Variants in TEAD2 observed in about 807,000 individuals in gnomAD.
The protein encoded by TEAD2 is TEA domain transcription factor 2, also known as transcriptional enhancer factor TEF-4.
In TEAD2, 51 loss-of-function variants were observed where a neutral mutation model predicts 61.4. That is an observed-to-expected ratio of 0.83 (90% CI 0.66 to 1.05). TEAD2 has a LOEUF of 1.05. Ranked by LOEUF, TEAD2 falls within the 50% of genes least tolerant of loss-of-function variation. The pLI is 0.00. For missense variants in TEAD2, 509 were observed against 600.0 expected (o/e 0.85, Z 1.58); for synonymous variants, 244 against 243.2 (o/e 1.00, Z -0.03).
intron 4 of TEAD2, among the ~76,000 whole-genome samples, chr19:49,356,443 A>G (rs1972405484): frequency 6.6e-6 from 1 of 150,996 alleles, no homozygotes; most frequent in African/African-American, 2.4e-5. Context: ...AGACAGAAAA[A>G]CCCCCACACA....
intron 8 of TEAD2, among the ~76,000 whole-genome samples, chr19:49,350,839 G>A (rs1049941539): frequency 1.2e-4 from 18 of 151,534 alleles, no homozygotes; most frequent in Non-Finnish European, 7.4e-5. Context: ...CGGCTCCCCC[G>A]CCCCCAACAC....
chr19:49,359,772 G>A lies in TEAD2; in HGVS notation c.232+72C>T. The A allele has an allele frequency of 1.4e-6, 2 of 1,466,456 alleles. No individual in the cohort carries two copies. The highest frequency in any genetic ancestry group is 1.2e-5 in the South Asian group (1 of 83,616). 90.8% of individuals were successfully genotyped at this position (1,466,456 alleles called of 1,614,324 possible). A position where few individuals can be genotyped will look rare whatever the true frequency, so the allele number is the denominator to read the frequency against. Reference sequence around the variant, plus strand: ...TGGTGATGCTAGCTCCTACTTCAGAGTGCTCCATAAACCTTGGTTACTGTC... The same window carrying A: ...TGGTGATGCTAGCTCCTACTTCAGAATGCTCCATAAACCTTGGTTACTGTC... On this transcript the variant is annotated intron_variant, in intron 2 of 12. Coordinates refer to ENST00000593945, the MANE Select transcript of TEAD2 (RefSeq NM_001256660.2). The surrounding 1 kb of genome is among the most constrained non-coding windows in gnomAD (Gnocchi z 4.1).
intron 3 of TEAD2, 129 bp from the exon 4 acceptor site, chr19:49,357,443 G>C (rs749798155): frequency 2.7e-5 from 27 of 987,150 alleles, no homozygotes; most frequent in Non-Finnish European, 3.5e-5. Context: ...CTGAAGATGA[G>C]AGCCATCTCG....
Position 49,341,328 on chromosome 19 carries a change from T to G in TEAD2, c.1352A>C (p.Asp451Ala). Residue 451 changes from aspartate to alanine, a missense_variant, in exon 13 of 13, where the codon GAC becomes GCC. Physicochemically the swap from Asp to Ala is moderately radical, Grantham distance 126 (BLOSUM62 -2). Transcript: ENST00000593945. The surrounding 1 kb of genome is among the most constrained non-coding windows in gnomAD (Gnocchi z 4.2). ...AGCCAGTTTTGGGGTCCCCCTTCAG[T>G]CCCTGACCAGGCGGTAAATGTGATG... ...AQHHIYRLVR[D>A] is the part of the protein sequence containing the mutation. 6.2e-7 allele frequency: 1 copy of G among 1,613,802 alleles called. No homozygotes were observed. The highest frequency in any genetic ancestry group is 8.5e-7 in the Non-Finnish European group (1 of 1,179,820).
chr19:49,353,060 G>A (rs549795674), intron 7 of TEAD2, among the ~76,000 whole-genome samples: 23 of 151,890 alleles, frequency 1.5e-4, no homozygotes, highest in South Asian at 4.2e-4. Flanking sequence ...GGACTTTGTC[G>A]TGTGCTATTG....
intron 7 of TEAD2, among the ~76,000 whole-genome samples, chr19:49,353,127 C>T (rs1241224653): frequency 6.7e-6 from 1 of 148,660 alleles, no homozygotes; most frequent in African/African-American, 2.5e-5. Context: ...GAGATAGAGT[C>T]TCGCTCTGTT....
rs1233464008 is a variant in TEAD2 at position 49,362,350 on chromosome 19, G to A, written c.-24C>T. The A allele has an allele frequency of 6.6e-6, 1 of 152,138 alleles. No homozygotes were observed. The highest frequency in any genetic ancestry group is 6.5e-5 in the Admixed American group (1 of 15,282). 9.4% of individuals were successfully genotyped at this position (152,138 alleles called of 1,614,324 possible). Reference sequence around the variant, plus strand: ...TCACACACCCCAAAGCAGGATCCCCGACTCCCGCCGGCGCCTTCCTACCTC... The same window carrying A: ...TCACACACCCCAAAGCAGGATCCCCAACTCCCGCCGGCGCCTTCCTACCTC... On this transcript the variant is annotated 5_prime_UTR_variant, in exon 1 of 13. Coordinates refer to ENST00000593945, the MANE Select transcript of TEAD2 (RefSeq NM_001256660.2).
At chr19:49,351,449 G>A (rs1972018914) in intron 7 of TEAD2, 84 bp from the exon 8 acceptor site, 3 of 1,287,496 alleles carry the variant, frequency 2.3e-6, no homozygotes, top group Non-Finnish European at 2.2e-6. Context: ...GCCACAACAA[G>A]CAAGACCCTG....
chr19:49,357,199 T>C, intron 4 of TEAD2, 53 bp downstream of exon 4: 8 of 1,538,948 alleles, frequency 5.2e-6, no homozygotes, highest in Non-Finnish European at 7.1e-6. Flanking sequence ...TGGGTCTCGG[T>C]CCCCCACCCC....
At chr19:49,352,981 G>C (rs1972119682) in intron 7 of TEAD2, among the ~76,000 whole-genome samples, 1 of 152,118 alleles carries the variant, frequency 6.6e-6, no homozygotes, top group Non-Finnish European at 1.5e-5. Context: ...CAGGCACTTA[G>C]TAGGCACTCA....
At chr19:49,342,681 G>A (rs1971379278) in intron 11 of TEAD2, 91 bp from the exon 12 acceptor site, 2 of 1,495,064 alleles carry the variant, frequency 1.3e-6, no homozygotes, top group East Asian at 4.6e-5. Context: ...CCTCTAAGAT[G>A]CCACCACACT....
rs1405439794 is a variant in TEAD2, at chr19:49,359,591, C to T, written c.233-92G>A. ...CAGGGAAGAAGAAAGCAGCATGGGT[C>T]CCCAAAGGTCTGCAGCAAGTGGGCT... On this transcript the variant is annotated intron_variant, in intron 2 of 12. Coordinates refer to ENST00000593945, the MANE Select transcript of TEAD2 (RefSeq NM_001256660.2). The surrounding 1 kb of genome is among the most constrained non-coding windows in gnomAD (Gnocchi z 4.1). 1.7e-5 allele frequency: 24 copies of T among 1,447,228 alleles called. No individual in the cohort carries two copies. Among genetic ancestry groups the T allele is most frequent in the Non-Finnish European group, 2.3e-5 (24 of 1,034,180 alleles). The allele number at this position is 1,447,228 out of a possible 1,614,324, so 89.6% of individuals were successfully genotyped here.
At chr19:49,357,759 CCATCTCCTTGATGATG>C (rs1972504278) in intron 3 of TEAD2, 1 of 209,910 alleles carries the variant, frequency 4.8e-6, no homozygotes, top group Non-Finnish European at 9.9e-6. Context: ...TGGCTTTGCA[CCATCTCCTTGATGATG>C]AGTGACTTCT....
chr19:49,354,027 T>G (rs1436917177), intron 7 of TEAD2, among the ~76,000 whole-genome samples: 1 of 150,246 alleles, frequency 6.7e-6, no homozygotes, highest in African/African-American at 2.4e-5. Flanking sequence ...CTCGATCTCC[T>G]GACCTCGTGA....
intron 8 of TEAD2, 180 bp from the exon 9 acceptor site, chr19:49,349,025 A>C (rs748466031): frequency 3.7e-5 from 24 of 643,458 alleles, no homozygotes; most frequent in Non-Finnish European, 5.1e-5. Flanking sequence ...CGTTAGGGGA[A>C]ATCTGCTGGG....
In TEAD2 at chr19:49,360,018, C is replaced by T. The variant is rs1568583033; in HGVS notation, c.58G>A (p.Glu20Lys). 1.2e-6 allele frequency: 2 copies of T among 1,609,144 alleles called. No individual in the cohort carries two copies. Among genetic ancestry groups the T allele is most frequent in the East Asian group, 2.2e-5 (1 of 44,880 alleles). Residue 20 changes from glutamate (E) to lysine (K), a missense_variant, in exon 2 of 13, where the codon GAG becomes AAG. Physicochemically the swap from Glu to Lys is moderately conservative, Grantham distance 56. Transcript: ENST00000593945. ...CCGGTACCCTCCTCACTGCCTTCCT[C>T]ACTGCCCGTCCAGCCGCTGCCATCG... ...LDDGSGWTGSEEGSEEGTGGS... is the reference protein window; with the variant it reads ...LDDGSGWTGSKEGSEEGTGGS...
chr19:49,347,225 C>G lies in TEAD2; in HGVS notation c.886G>C (p.Gly296Arg). 1 of 1,614,096 alleles carries G rather than the reference C, an allele frequency of 6.2e-7. No individual in the cohort carries two copies. Among genetic ancestry groups the G allele is most frequent in the Non-Finnish European group, 8.5e-7 (1 of 1,179,992 alleles). Residue 296 changes from glycine (G) to arginine (R), a missense_variant, in exon 10 of 13, where the codon GGC (glycine) becomes CGC (arginine). Gly to Arg is a moderately radical substitution (Grantham distance 125, BLOSUM62 -2). Coordinates refer to ENST00000593945, the MANE Select transcript of TEAD2 (RefSeq NM_001256660.2). ...ACCAGGAAGAAGGCATGGGGGGGGCCACGATCATATAGCTCTCGGAGGCCA... is the reference window on the plus strand; with the variant it reads ...ACCAGGAAGAAGGCATGGGGGGGGCGACGATCATATAGCTCTCGGAGGCCA... ...KGGLRELYDRGPPHAFFLVKF... is the reference protein window; with the variant it reads ...KGGLRELYDRRPPHAFFLVKF...
Position 49,341,440 on chromosome 19 carries a change from G to T in TEAD2, c.1243-3C>A, listed in dbSNP as rs1312533610. ...TGGGTGTCTCTGTTTGTCACCACCT[G>T]CCAGGAAGGCCAGGACAAGGGACTT... On this transcript the variant is annotated splice_polypyrimidine_tract_variant and splice_region_variant and intron_variant, in intron 12 of 12. Coordinates refer to ENST00000593945, the MANE Select transcript of TEAD2 (RefSeq NM_001256660.2). This position sits in a 1 kb window ranked among gnomAD's most constrained non-coding sequence, Gnocchi z 4.2. The T allele has an allele frequency of 6.2e-7, 1 of 1,612,148 alleles. No homozygotes were observed. The highest frequency in any genetic ancestry group is 8.5e-7 in the Non-Finnish European group (1 of 1,178,382).
intron 1 of TEAD2, chr19:49,360,456 A>C: frequency 3.7e-6 from 1 of 267,478 alleles, no homozygotes; most frequent in East Asian, 7.5e-5. Flanking sequence ...ATTTCTTGGA[A>C]AGCTGAGGAT....
Sources: gnomAD v4.1 joint callset for allele counts (sites outside exome capture counted in the v4.1 genomes callset) on GRCh38, gnomAD v4.1.1 for gene constraint, Gnocchi (gnomAD v3.1) non-coding constraint, MANE v1.5 for transcripts, NCBI Gene and HGNC (gene_info 2026-07-23, HGNC 2026-07-21) for gene names.